The following TBL1XR1 variants were observed in gnomAD, a reference collection of about 807,000 sequenced individuals.
TBL1XR1 encodes F-box-like/WD repeat-containing protein TBL1XR1.
A neutral mutation model predicts 66.9 loss-of-function variants in TBL1XR1; 5 were observed. The ratio of observed to expected loss-of-function variants is 0.07; its 90% CI spans 0.04 to 0.16. The LOEUF is 0.16. Ranked by LOEUF, TBL1XR1 falls within the 10% of genes least tolerant of loss-of-function variation. The pLI is 1.00. For missense variants in TBL1XR1, 238 were observed against 623.2 expected (o/e 0.38, Z 6.58); for synonymous variants, 210 against 206.0 (o/e 1.02, Z -0.17).
chr3:177,058,027 T>C (rs996327900), intron 3 of TBL1XR1, among the ~76,000 whole-genome samples: 1 of 152,096 alleles, frequency 6.6e-6, no homozygotes, highest in African/African-American at 2.4e-5. Context: ...GGGGAGTTAG[T>C]CATACAGAGC....
At chr3:177,171,862 A>C (rs1733558288) in intron 1 of TBL1XR1, among the ~76,000 whole-genome samples, 1 of 152,180 alleles carries the variant, frequency 6.6e-6, no homozygotes, top group Non-Finnish European at 1.5e-5. Context: ...TTAAAAAATC[A>C]AAGGACAGAG....
chr3:177,158,249 A>G (rs1172659798), intron 1 of TBL1XR1, among the ~76,000 whole-genome samples: 1 of 144,894 alleles, frequency 6.9e-6, no homozygotes, highest in Non-Finnish European at 1.5e-5. Context: ...TTTTTTTTTA[A>G]GACAGTCTTG....
chr3:177,094,278 C>T (rs1469099118), intron 2 of TBL1XR1, among the ~76,000 whole-genome samples: 1 of 152,066 alleles, frequency 6.6e-6, no homozygotes, highest in Non-Finnish European at 1.5e-5. Context: ...AATGTGATGC[C>T]ACCTTACTCC....
chr3:177,186,859 G>A (rs1468426610), intron 1 of TBL1XR1, among the ~76,000 whole-genome samples: 1 of 152,172 alleles, frequency 6.6e-6, no homozygotes, highest in Non-Finnish European at 1.5e-5. Context: ...CCTGAGGCTG[G>A]CAGATCACTT....
At chr3:177,029,359 G>GT (rs1713612928) in intron 14 of TBL1XR1, among the ~76,000 whole-genome samples, 1 of 152,168 alleles carries the variant, frequency 6.6e-6, no homozygotes, top group Middle Eastern at 3.2e-3. Flanking sequence ...CCTCATGCCT[G>GT]TAATCCCAGG....
intron 5 of TBL1XR1, 86 bp from the exon 6 acceptor site, chr3:177,050,696 T>G: frequency 6.9e-7 from 1 of 1,453,214 alleles, no homozygotes; most frequent in Non-Finnish European, 9.5e-7. Context: ...GCAAATACCT[T>G]CCTTTATCGC....
chr3:177,179,027 G>C (rs1734482582), intron 1 of TBL1XR1, among the ~76,000 whole-genome samples: 1 of 148,028 alleles, frequency 6.8e-6, no homozygotes, highest in Non-Finnish European at 1.5e-5. Context: ...GGAGGCAAGA[G>C]AATTGCTTGA....
At chr3:177,162,683 A>G (rs548466139) in intron 1 of TBL1XR1, among the ~76,000 whole-genome samples, 102 of 152,338 alleles carry the variant, frequency 6.7e-4, no homozygotes, top group African/African-American at 2.4e-3. Flanking sequence ...CCTCAACTAA[A>G]AGAAAGTTTA....
intron 1 of TBL1XR1, among the ~76,000 whole-genome samples, chr3:177,098,937 T>A (rs1276851371): frequency 6.6e-6 from 1 of 152,212 alleles, no homozygotes; most frequent in Admixed American, 6.5e-5. Context: ...AAGAGAAATA[T>A]ATCATTGGTT....
chr3:177,104,009 G>A (rs571450562), intron 1 of TBL1XR1, among the ~76,000 whole-genome samples: 2 of 151,822 alleles, frequency 1.3e-5, no homozygotes, highest in East Asian at 1.9e-4. Flanking sequence ...CCAGCTACTC[G>A]GGAGGCTGAG....
At chr3:177,074,056 C>T (rs115688010) in intron 2 of TBL1XR1, among the ~76,000 whole-genome samples, 164 of 152,280 alleles carry the variant, frequency 1.1e-3, no homozygotes, top group African/African-American at 3.9e-3. Context: ...AGAATTGATT[C>T]ATTACATACT....
intron 1 of TBL1XR1, among the ~76,000 whole-genome samples, chr3:177,151,152 T>C (rs772218009): frequency 2.6e-5 from 4 of 152,122 alleles, no homozygotes; most frequent in Non-Finnish European, 5.9e-5. Context: ...AGGGCCACAG[T>C]GGTATATAAA....
rs1342408003 is a variant in TBL1XR1, at chr3:177,064,984, T to C, written c.-7A>G. 6 of 1,533,752 alleles carry C rather than the reference T, an allele frequency of 3.9e-6. No homozygotes were observed. The highest frequency in any genetic ancestry group is 5.3e-6 in the Non-Finnish European group (6 of 1,141,520). ...CATCACTGCTTATACTCATCTTTAT[T>C]CCCACTTAAACCATGAGGTCACAAC... On this transcript the variant is annotated 5_prime_UTR_variant, in exon 3 of 16. Transcript: ENST00000457928.
At chr3:177,156,518 T>TAC (rs35566193) in intron 1 of TBL1XR1, among the ~76,000 whole-genome samples, 50,873 of 139,316 alleles carry the variant, frequency 0.37, 10,368 homozygotes, top group Non-Finnish European at 0.47. Context: ...TATATATACA[T>TAC]ACACACACAC....
At chr3:177,189,387 C>G (rs890455320) in intron 1 of TBL1XR1, among the ~76,000 whole-genome samples, 2 of 151,874 alleles carry the variant, frequency 1.3e-5, no homozygotes, top group Admixed American at 6.6e-5. Context: ...CGTGGTGGTA[C>G]ACGCCTGTTA....
At chr3:177,101,288 A>ATT (rs11302084) in intron 1 of TBL1XR1, among the ~76,000 whole-genome samples, 29 of 147,632 alleles carry the variant, frequency 2.0e-4, no homozygotes, top group South Asian at 4.2e-4. Context: ...TTTAGATGCA[A>ATT]TTTTTTTTTT....
At chr3:177,037,040 A>G (rs1714890949) in intron 12 of TBL1XR1, among the ~76,000 whole-genome samples, 1 of 152,198 alleles carries the variant, frequency 6.6e-6, no homozygotes, top group African/African-American at 2.4e-5. Flanking sequence ...TTTTAGTCAT[A>G]CAACAAGAAA....
chr3:177,129,154 C>CA (rs1333690036), intron 1 of TBL1XR1, among the ~76,000 whole-genome samples: 1 of 152,044 alleles, frequency 6.6e-6, no homozygotes, highest in Non-Finnish European at 1.5e-5. Context: ...TAAATGGCCA[C>CA]AAAAAATTGT....
intron 1 of TBL1XR1, among the ~76,000 whole-genome samples, chr3:177,141,520 T>C (rs1729630233): frequency 1.3e-5 from 2 of 152,260 alleles, no homozygotes; most frequent in African/African-American, 4.8e-5. Context: ...CATATTTTTA[T>C]ATGCACCTGA....
Sources: gnomAD v4.1 joint callset for allele counts (sites outside exome capture counted in the v4.1 genomes callset) on GRCh38, gnomAD v4.1.1 for gene constraint, MANE v1.5 for transcripts, NCBI Gene and HGNC (gene_info 2026-07-23, HGNC 2026-07-21) for gene names.